Variants in WFDC9 observed in about 807,000 individuals in gnomAD.
WFDC9 encodes the protein WAP four-disulfide core domain 9.
WFDC9 carries 9 observed loss-of-function variants against 9.5 expected under a neutral mutation model. The ratio of observed to expected loss-of-function variants is 0.95; its 90% CI spans 0.57 to 1.65. The LOEUF (loss-of-function observed/expected upper bound fraction) is 1.65, where lower values mean the gene tolerates loss of function less well. Among genes scored for constraint, WFDC9 ranks in the 40% most tolerant of loss-of-function variants. WFDC9 has a pLI of 0.00. For missense variants in WFDC9, 87 were observed against 106.7 expected (o/e 0.82, Z 0.81); for synonymous variants, 33 against 32.3 (o/e 1.02, Z -0.07).
At chr20:45,612,983 C>T (rs1016895015) in intron 2 of WFDC9, among the ~76,000 whole-genome samples, 5 of 152,222 alleles carry the variant, frequency 3.3e-5, no homozygotes, top group African/African-American at 1.2e-4. Flanking sequence ...GATTTTCCCT[C>T]TGCCTGAAAG....
At chr20:45,629,617 A>C (rs965131772) in intron 1 of WFDC9, 11 of 504,152 alleles carry the variant, frequency 2.2e-5, no homozygotes, top group African/African-American at 2.1e-4. Context: ...CGGAAGCCCT[A>C]TCCCACATGA....
chr20:45,622,894 A>T (rs1262383718), intron 1 of WFDC9, among the ~76,000 whole-genome samples: 1 of 152,244 alleles, frequency 6.6e-6, no homozygotes, highest in African/African-American at 2.4e-5. Flanking sequence ...AAGGAAGCAT[A>T]GGTTTGTTAT....
chr20:45,629,685 C>T, intron 1 of WFDC9: 1 of 1,211,956 alleles, frequency 8.3e-7, no homozygotes, highest in Non-Finnish European at 1.2e-6. Context: ...TCTGCTCCGA[C>T]TTGGCCAGTA....
chr20:45,613,612 G>A (rs945327458), intron 2 of WFDC9, among the ~76,000 whole-genome samples: 10 of 152,280 alleles, frequency 6.6e-5, no homozygotes, highest in African/African-American at 2.2e-4. Context: ...GGTTCTTAAT[G>A]GAGAAGCTTG....
rs149378702 is a variant in WFDC9 at position 45,617,619 on chromosome 20, C to G, written c.-152-2898G>C. The stretch of plus-strand genomic sequence containing the variant: ...AAGCGATCCTCCTTCCTCATCCTCC[C>G]GAGTAGCTAGGACTACAGACACACA... On this transcript the variant is annotated intron_variant, in intron 1 of 4. Transcript: ENST00000326000. Among the ~76,000 whole-genome samples, 14 of 152,258 alleles carry G rather than the reference C, an allele frequency of 9.2e-5. No individual in the cohort carries two copies. In the East Asian group the frequency reaches 2.1e-3, roughly 23 times the overall value.
chr20:45,608,519 C>T (rs1175377836), intron 4 of WFDC9, 144 bp downstream of exon 4: 2 of 1,003,560 alleles, frequency 2.0e-6, no homozygotes, highest in African/African-American at 3.2e-5. Context: ...TGAGGAGCAG[C>T]CTAGGTTTGG....
At chr20:45,629,651 CAA>C in intron 1 of WFDC9, 1 of 855,400 alleles carries the variant, frequency 1.2e-6, no homozygotes, top group Non-Finnish European at 1.7e-6. Flanking sequence ...CAGGGGCAAG[CAA>C]AAAGAGGAAG....
chr20:45,629,273 A>G lies in WFDC9; in HGVS notation c.-153+1930T>C, dbSNP rs1431579257. ...ATTCTCTAGATTATTAGTAATTAGTACAATACAAATACTTGATTATTAGCA... is the reference window on the plus strand; with the variant it reads ...ATTCTCTAGATTATTAGTAATTAGTGCAATACAAATACTTGATTATTAGCA... On this transcript the variant is annotated intron_variant, in intron 1 of 4. Coordinates refer to ENST00000326000, the MANE Select transcript of WFDC9 (RefSeq NM_147198.4). Among the ~76,000 whole-genome samples, 3 of 152,232 alleles carry G rather than the reference A, an allele frequency of 2.0e-5. No homozygotes were observed. The East Asian group carries it at 5.8e-4, about 29-fold the overall frequency.
intron 2 of WFDC9, among the ~76,000 whole-genome samples, chr20:45,611,653 G>A (rs1981862055): frequency 6.6e-6 from 1 of 152,102 alleles, no homozygotes; most frequent in Non-Finnish European, 1.5e-5. Context: ...TTATAAAAAT[G>A]TCCTGATGAA....
rs1981830471 is a variant in WFDC9, at chr20:45,610,223, C to T, written c.-42G>A. 2 of 1,565,996 alleles carry T rather than the reference C, an allele frequency of 1.3e-6. No homozygotes were observed. The highest frequency in any genetic ancestry group is 8.8e-7 in the Non-Finnish European group (1 of 1,138,938). On this transcript the variant is annotated 5_prime_UTR_variant, in exon 3 of 5. Coordinates refer to ENST00000326000, the MANE Select transcript of WFDC9 (RefSeq NM_147198.4). ...ATTTGGGTTAAGTTCTGGCAGAAGG[C>T]AAGTCTTTTCCCAATACTGCTAGAC...
chr20:45,623,727 G>C (rs536173480), intron 1 of WFDC9, among the ~76,000 whole-genome samples: 11 of 152,214 alleles, frequency 7.2e-5, no homozygotes, highest in Admixed American at 1.3e-4. Context: ...ATCAGATCAG[G>C]GTAATTAGCA....
intron 1 of WFDC9, among the ~76,000 whole-genome samples, chr20:45,626,814 G>A (rs1223387378): frequency 3.9e-5 from 6 of 152,096 alleles, no homozygotes; most frequent in South Asian, 4.1e-4. Flanking sequence ...CCAGTACTAC[G>A]TTGAATAAGA....
chr20:45,617,966 G>A (rs1216812359), intron 1 of WFDC9, among the ~76,000 whole-genome samples: 1 of 152,200 alleles, frequency 6.6e-6, no homozygotes, highest in Non-Finnish European at 1.5e-5. Flanking sequence ...TTAAATGGAA[G>A]TGGATCATCA....
At chr20:45,629,614 C>A (rs1982305243) in intron 1 of WFDC9, 6 of 491,418 alleles carry the variant, frequency 1.2e-5, no homozygotes, top group Non-Finnish European at 2.1e-5. Context: ...CTGCGGAAGC[C>A]CTATCCCACA....
In WFDC9 at chr20:45,619,202, C is replaced by T. The variant is rs537389254; in HGVS notation, c.-152-4481G>A. On this transcript the variant is annotated intron_variant, in intron 1 of 4. Transcript: ENST00000326000. ...TATGGCAGCAAAATGATGTTCCATGCATGACGATCATAGTCTTTTGCTCTG... is the reference window on the plus strand; with the variant it reads ...TATGGCAGCAAAATGATGTTCCATGTATGACGATCATAGTCTTTTGCTCTG... Among the ~76,000 whole-genome samples the T allele has an allele frequency of 5.9e-5, 9 of 152,290 alleles. No homozygotes were observed. In the East Asian group the frequency reaches 1.7e-3, roughly 29 times the overall value.
At chr20:45,627,440 T>C (rs532978572) in intron 1 of WFDC9, among the ~76,000 whole-genome samples, 1 of 152,318 alleles carries the variant, frequency 6.6e-6, no homozygotes, top group Admixed American at 6.5e-5. Flanking sequence ...GGTAAAGCCA[T>C]ATGGTTCTGG....
intron 1 of WFDC9, among the ~76,000 whole-genome samples, chr20:45,630,356 G>A (rs1490489063): frequency 1.3e-5 from 2 of 151,872 alleles, no homozygotes; most frequent in Non-Finnish European, 2.9e-5. Context: ...CCAAGTTAAG[G>A]TTATCATCAA....
intron 1 of WFDC9, among the ~76,000 whole-genome samples, chr20:45,625,707 T>C (rs572235333): frequency 6.6e-6 from 1 of 152,146 alleles, no homozygotes; most frequent in East Asian, 1.9e-4. Flanking sequence ...CCTAGCACCA[T>C]TTACTGAAGA....
intron 2 of WFDC9, among the ~76,000 whole-genome samples, chr20:45,610,940 C>G (rs1050904272): frequency 2.0e-5 from 3 of 152,138 alleles, no homozygotes; most frequent in African/African-American, 7.2e-5. Flanking sequence ...CTATGTGATC[C>G]TAGAAGTCTA....
Sources: gnomAD v4.1 joint callset for allele counts (sites outside exome capture counted in the v4.1 genomes callset) on GRCh38, gnomAD v4.1.1 for gene constraint, MANE v1.5 for transcripts, NCBI Gene and HGNC (gene_info 2026-07-23, HGNC 2026-07-21) for gene names.